MALRD1: variants seen among roughly 807,000 people sequenced by gnomAD.
MALRD1 encodes the protein MAM and LDL receptor class A domain containing 1, also known as MAM and LDL-receptor class A domain-containing protein 1.
In MALRD1, 247 loss-of-function variants were observed where a neutral mutation model predicts 242.1. The ratio of observed to expected loss-of-function variants is 1.02; its 90% CI spans 0.92 to 1.13. MALRD1 has a LOEUF of 1.13. Among genes scored for constraint, MALRD1 ranks in the 50% most tolerant of loss-of-function variants. MALRD1 has a pLI of 0.00. For missense variants in MALRD1, 2,989 were observed against 2,533.1 expected (o/e 1.18, Z -3.86); for synonymous variants, 995 against 866.6 (o/e 1.15, Z -2.60).
intron 24 of MALRD1, among the ~76,000 whole-genome samples, chr10:19,339,655 G>A (rs976559515): frequency 7.2e-5 from 11 of 152,244 alleles, no homozygotes; most frequent in African/African-American, 1.7e-4. Flanking sequence ...TGATAATGCT[G>A]TGTAACAAAC....
chr10:19,363,917 C>T (rs1200731442), intron 26 of MALRD1, among the ~76,000 whole-genome samples: 4 of 151,940 alleles, frequency 2.6e-5, no homozygotes, highest in Non-Finnish European at 5.9e-5. Context: ...TAATATGCAA[C>T]CAGGGTGGAA....
At chr10:19,572,342 A>T (rs868647269) in intron 33 of MALRD1, among the ~76,000 whole-genome samples, 1 of 152,216 alleles carries the variant, frequency 6.6e-6, no homozygotes, top group African/African-American at 2.4e-5. Flanking sequence ...AACAAGGAGG[A>T]TCTCATCTGT....
intron 9 of MALRD1, among the ~76,000 whole-genome samples, 155 bp from the exon 10 acceptor site, chr10:19,136,419 G>T (rs1833341843): frequency 6.6e-6 from 1 of 151,920 alleles, no homozygotes; most frequent in East Asian, 1.9e-4. Context: ...GTATGAGCAT[G>T]GGTTGAGGTT....
chr10:19,205,288 A>T lies in MALRD1; in HGVS notation c.2578+23A>T, dbSNP rs77078711. On this transcript the variant is annotated intron_variant, in intron 17 of 39. Transcript: ENST00000454679. ...GTGGTAAGTTCTTTTTGGTTGGGGG[A>T]TTCTCTTTCTCATTTTGAAAGTGTT... The T allele has an allele frequency of 1.6e-3, 2,427 of 1,514,596 alleles. 32 individuals carry two copies. The African/African-American group carries it at 0.029, about 18-fold the overall frequency. The allele number at this position is 1,514,596 out of a possible 1,614,324, so 93.8% of individuals were successfully genotyped here. A position where few individuals can be genotyped will look rare whatever the true frequency, so the allele number is the denominator to read the frequency against.
intron 36 of MALRD1, among the ~76,000 whole-genome samples, chr10:19,627,298 T>A (rs544684046): frequency 6.6e-6 from 1 of 152,218 alleles, no homozygotes; most frequent in African/African-American, 2.4e-5. Flanking sequence ...GGGTCTTTTC[T>A]AAGCTTAGTA....
At chr10:19,671,564 G>T (rs1373804237) in intron 36 of MALRD1, among the ~76,000 whole-genome samples, 1 of 151,878 alleles carries the variant, frequency 6.6e-6, no homozygotes, top group African/African-American at 2.4e-5. Flanking sequence ...GATAGAGTGA[G>T]CTGAGATGGC....
intron 17 of MALRD1, 28 bp downstream of exon 17, chr10:19,205,293 C>G (rs765082025): frequency 3.6e-5 from 54 of 1,509,508 alleles, no homozygotes; most frequent in Non-Finnish European, 4.7e-5. Context: ...GGGGGATTCT[C>G]TTTCTCATTT....
At chr10:19,405,284 A>G (rs954098623) in intron 28 of MALRD1, among the ~76,000 whole-genome samples, 1 of 152,154 alleles carries the variant, frequency 6.6e-6, no homozygotes, top group East Asian at 1.9e-4. Flanking sequence ...TTCAACAAGA[A>G]GGGTCACCTC....
chr10:19,413,337 A>C (rs868538649), intron 28 of MALRD1, among the ~76,000 whole-genome samples: 34 of 152,226 alleles, frequency 2.2e-4, no homozygotes, highest in African/African-American at 8.2e-4. Flanking sequence ...TTTAGGTCTG[A>C]GATATTGGTA....
chr10:19,222,503 C>T (rs10508580), intron 18 of MALRD1, among the ~76,000 whole-genome samples: 11,270 of 152,064 alleles, frequency 0.074, 510 homozygotes, highest in East Asian at 0.19. Context: ...ACGTGTAATA[C>T]GAAGAAAATT....
At chr10:19,685,106 ATATAAT>A (rs1192896914) in intron 36 of MALRD1, among the ~76,000 whole-genome samples, 2 of 152,228 alleles carry the variant, frequency 1.3e-5, no homozygotes, top group African/African-American at 4.8e-5. Flanking sequence ...CCTGGAATAA[ATATAAT>A]TTAATATATC....
rs1845233718 is a variant in MALRD1 at position 19,368,890 on chromosome 10, T to TG, written c.4441+16593_4441+16594insG. Among the ~76,000 whole-genome samples, 8 of 142,374 alleles carry TG rather than the reference T, an allele frequency of 5.6e-5. No individual in the cohort carries two copies. The South Asian group carries it at 1.8e-3, about 32-fold the overall frequency. 93.4% of individuals were successfully genotyped at this position (142,374 alleles called of 152,430 possible). ...TTGTGTATGTGTGTGTGTGTGTGTG[T>TG]TTGTGTGTGTGTGTGTGTGTGTGTG... On this transcript the variant is annotated intron_variant, in intron 26 of 39. Coordinates refer to ENST00000454679, the MANE Select transcript of MALRD1 (RefSeq NM_001142308.3).
At chr10:19,140,155 A>T (rs76511065) in intron 10 of MALRD1, among the ~76,000 whole-genome samples, 5,328 of 152,260 alleles carry the variant, frequency 0.035, 149 homozygotes, top group Middle Eastern at 0.11. Flanking sequence ...CATTTCCCAT[A>T]CATAGCTTTC....
rs374072338 is a variant in MALRD1 at position 19,272,642 on chromosome 10, G to A, written c.3080-7405G>A. ...CAACCTTTCATCTAGGTTTTAAGCC[G>A]TGCATGCATTAGGTATTTGTCCTAA... is the stretch of plus-strand genomic sequence containing the variant. On this transcript the variant is annotated intron_variant, in intron 19 of 39. Transcript: ENST00000454679. 1.3e-3 allele frequency among the ~76,000 whole-genome samples: 204 copies of A among 152,130 alleles called. 3 individuals are homozygous for A. Among genetic ancestry groups the A allele is most frequent in the Middle Eastern group, 3.4e-3 (1 of 294 alleles).
At chr10:19,259,554 T>A (rs1421755168) in intron 19 of MALRD1, among the ~76,000 whole-genome samples, 2 of 152,136 alleles carry the variant, frequency 1.3e-5, no homozygotes, top group Non-Finnish European at 1.5e-5. Context: ...ACTTATTCAC[T>A]TTCACAAGAA....
At chr10:19,081,590 A>G (rs1427016911) in intron 2 of MALRD1, among the ~76,000 whole-genome samples, 1 of 152,048 alleles carries the variant, frequency 6.6e-6, no homozygotes, top group Non-Finnish European at 1.5e-5. Context: ...CATGGCAGGG[A>G]ACAACAGACA....
chr10:19,647,930 T>C (rs1182139054), intron 36 of MALRD1, among the ~76,000 whole-genome samples: 1 of 152,080 alleles, frequency 6.6e-6, no homozygotes, highest in East Asian at 1.9e-4. Flanking sequence ...AGGAGGTAAG[T>C]CCCATGATTT....
At chr10:19,719,547 G>T (rs1347909372) in intron 38 of MALRD1, among the ~76,000 whole-genome samples, 1 of 152,066 alleles carries the variant, frequency 6.6e-6, no homozygotes, top group African/African-American at 2.4e-5. Context: ...TGAAAAGAGT[G>T]GAAGAAAAAT....
At chr10:19,240,739 C>T (rs1410812198) in intron 18 of MALRD1, among the ~76,000 whole-genome samples, 1 of 152,076 alleles carries the variant, frequency 6.6e-6, no homozygotes. Context: ...AGGTACACTC[C>T]TATACCTACT....
Sources: gnomAD v4.1 joint callset for allele counts (sites outside exome capture counted in the v4.1 genomes callset) on GRCh38, gnomAD v4.1.1 for gene constraint, MANE v1.5 for transcripts, NCBI Gene and HGNC (gene_info 2026-07-23, HGNC 2026-07-21) for gene names.